Variants in FLI1 observed in about 807,000 individuals in gnomAD.
The protein encoded by FLI1 is Friend leukemia integration 1 transcription factor.
Under a neutral mutation model 53.1 loss-of-function variants are expected in FLI1, and 13 were observed. The observed-to-expected ratio is 0.24, with a 90% confidence interval of 0.16 to 0.39. FLI1 has a LOEUF of 0.39. Among genes scored for constraint, FLI1 ranks in the 10% least tolerant of loss-of-function variants. The pLI is 1.00. For synonymous variants in FLI1, 244 were observed against 236.7 expected, an observed-to-expected ratio of 1.03 and a Z score of -0.28; for missense variants, 424 against 600.5, an observed-to-expected ratio of 0.71 and a Z score of 3.07.
intron 5 of FLI1, among the ~76,000 whole-genome samples, chr11:128,800,755 T>C (rs151008527): frequency 1.3e-5 from 2 of 152,306 alleles, no homozygotes; most frequent in Admixed American, 6.5e-5. Context: ...GGACATCATA[T>C]ATGTGAGGCT....
In FLI1 at chr11:128,747,423, T is replaced by C. The variant is rs182380673; in HGVS notation, c.19-10692T>C. On this transcript the variant is annotated intron_variant, in intron 1 of 8. Coordinates refer to ENST00000527786, the MANE Select transcript of FLI1 (RefSeq NM_002017.5). ...TCCCAGAAGCAGCCCTCCCTGCAGG[T>C]TCTCCCATGCCATGTGGGTTTTGTC... Among the ~76,000 whole-genome samples, 8 of 152,272 alleles carry C rather than the reference T, an allele frequency of 5.3e-5. No individual in the cohort carries two copies. In the East Asian group the frequency reaches 1.5e-3, roughly 29 times the overall value.
intron 1 of FLI1, among the ~76,000 whole-genome samples, chr11:128,688,101 A>C (rs1937611257): frequency 6.6e-6 from 1 of 152,126 alleles, no homozygotes; most frequent in African/African-American, 2.4e-5. Flanking sequence ...CTAGCTCTGC[A>C]CTGAGGATTG....
intron 1 of FLI1, among the ~76,000 whole-genome samples, chr11:128,741,316 C>A (rs1940128997): frequency 6.6e-6 from 1 of 152,168 alleles, no homozygotes; most frequent in African/African-American, 2.4e-5. Context: ...TCGCTTGAAC[C>A]CGGGAGGCAG....
intron 1 of FLI1, among the ~76,000 whole-genome samples, chr11:128,748,728 G>A (rs1404894561): frequency 1.3e-5 from 2 of 152,176 alleles, no homozygotes; most frequent in Non-Finnish European, 2.9e-5. Context: ...AATTGGAGAC[G>A]GCAAAGTGGA....
intron 1 of FLI1, among the ~76,000 whole-genome samples, chr11:128,699,527 C>T (rs756300059): frequency 6.6e-6 from 1 of 152,148 alleles, no homozygotes; most frequent in Admixed American, 6.5e-5. Context: ...TAGCTTTTTT[C>T]GTAATCTCAG....
At chr11:128,768,421 C>T in intron 3 of FLI1, 149 bp downstream of exon 3, 1 of 900,294 alleles carries the variant, frequency 1.1e-6, no homozygotes, top group Non-Finnish European at 1.7e-6. Context: ...GTGGCTCGCG[C>T]CTGTAATCCC....
At position 128,789,444 on chromosome 11, in the gene FLI1, C is replaced by T. The variant is rs185809161; in HGVS notation, c.655+7421C>T. The stretch of plus-strand genomic sequence containing the variant: ...GGGCATGGAGCTGAAATAAGACTGA[C>T]CATGAATTCATGATTGTTAAAGCAG... On this transcript the variant is annotated intron_variant, in intron 5 of 8. Transcript: ENST00000527786. 6.6e-5 allele frequency among the ~76,000 whole-genome samples: 10 copies of T among 152,274 alleles called. No homozygotes were observed. The East Asian group carries it at 1.9e-3, about 29-fold the overall frequency.
chr11:128,745,736 G>T (rs1356333417), intron 1 of FLI1, among the ~76,000 whole-genome samples: 1 of 152,208 alleles, frequency 6.6e-6, no homozygotes, highest in Non-Finnish European at 1.5e-5. Flanking sequence ...CACACAAAGC[G>T]TCCCGGCTTG....
intron 5 of FLI1, among the ~76,000 whole-genome samples, chr11:128,799,017 A>T (rs922159071): frequency 1.5e-4 from 22 of 145,228 alleles, no homozygotes; most frequent in African/African-American, 5.3e-4. Flanking sequence ...GATTTATTTT[A>T]TTATATTATT....
At chr11:128,744,371 G>T (rs536872543) in intron 1 of FLI1, among the ~76,000 whole-genome samples, 1 of 152,336 alleles carries the variant, frequency 6.6e-6, no homozygotes, top group South Asian at 2.1e-4. Context: ...AGTAGGTAAA[G>T]AAATAAGCCC....
intron 6 of FLI1, chr11:128,805,818 C>A (rs575802241): frequency 1.2e-5 from 2 of 173,018 alleles, no homozygotes; most frequent in Non-Finnish European, 2.4e-5. Flanking sequence ...TCCCCATTCC[C>A]CTTGATACTG....
At chr11:128,690,063 C>G (rs911654278), upstream of FLI1, among the ~76,000 whole-genome samples, 1 of 152,244 alleles carries the variant, frequency 6.6e-6, no homozygotes, top group Admixed American at 6.5e-5. Flanking sequence ...GGCATTCAAG[C>G]GCATCCAGGG....
intron 5 of FLI1, among the ~76,000 whole-genome samples, chr11:128,791,438 C>T (rs1026520979): frequency 6.6e-6 from 1 of 152,146 alleles, no homozygotes; most frequent in African/African-American, 2.4e-5. Context: ...TCTTGTGCAC[C>T]CTTCCCCAGG....
chr11:128,749,149 G>T (rs1416535890), intron 1 of FLI1, among the ~76,000 whole-genome samples: 1 of 152,186 alleles, frequency 6.6e-6, no homozygotes, highest in African/African-American at 2.4e-5. Flanking sequence ...GACAGTCATG[G>T]TGCTGATTCC....
intron 1 of FLI1, among the ~76,000 whole-genome samples, chr11:128,723,456 T>A (rs1164848716): frequency 6.6e-6 from 1 of 152,074 alleles, no homozygotes; most frequent in East Asian, 1.9e-4. Context: ...GCAGGAACAC[T>A]ATGGGTAATC....
upstream of FLI1, among the ~76,000 whole-genome samples, chr11:128,689,941 G>A (rs769153644): frequency 9.9e-5 from 15 of 152,276 alleles, no homozygotes; most frequent in Non-Finnish European, 1.9e-4. Context: ...CGTGGGGAGC[G>A]GGCCAGGCGA....
intron 5 of FLI1, among the ~76,000 whole-genome samples, chr11:128,787,933 A>C (rs1363916668): frequency 6.6e-6 from 1 of 150,906 alleles, no homozygotes; most frequent in East Asian, 2.0e-4. Flanking sequence ...CAGCCTCCTG[A>C]GTAGCTGGGA....
chr11:128,705,426 C>G (rs1166445810), intron 1 of FLI1, among the ~76,000 whole-genome samples: 1 of 152,200 alleles, frequency 6.6e-6, no homozygotes, highest in Admixed American at 6.5e-5. Flanking sequence ...GCCAAGGCTT[C>G]CTCCTCTACC....
At chr11:128,756,141 A>T (rs1051242452) in intron 1 of FLI1, among the ~76,000 whole-genome samples, 7 of 152,236 alleles carry the variant, frequency 4.6e-5, no homozygotes, top group Non-Finnish European at 1.0e-4. Flanking sequence ...TTTCAAGTAA[A>T]GGTGGTGTAT....
Sources: allele counts gnomAD v4.1 joint callset (sites outside exome capture counted in the v4.1 genomes callset), GRCh38; gene constraint gnomAD v4.1.1; transcripts MANE v1.5; gene names NCBI Gene and HGNC (gene_info 2026-07-23, HGNC 2026-07-21).